ACAA1: variants seen among roughly 807,000 people sequenced by gnomAD.
ACAA1 encodes the protein acetyl-CoA acyltransferase 1, also known as 3-ketoacyl-CoA thiolase, peroxisomal.
ACAA1 carries 44 observed loss-of-function variants against 48.8 expected under a neutral mutation model. The ratio of observed to expected loss-of-function variants is 0.90; its 90% CI spans 0.71 to 1.16. The LOEUF is 1.16. ACAA1 is among the 50% of genes most tolerant of loss of function. ACAA1 has a pLI of 0.00. For missense variants in ACAA1, 512 were observed against 562.3 expected, an observed-to-expected ratio of 0.91 and a Z score of 0.90; for synonymous variants, 233 against 226.5, an observed-to-expected ratio of 1.03 and a Z score of -0.26.
chr3:38,133,503 T>C (rs1053518904), intron 3 of ACAA1: 1 of 161,546 alleles, frequency 6.2e-6, no homozygotes, highest in African/African-American at 2.4e-5. Context: ...TGCAGGCGCT[T>C]AAAGGAAAGT....
Position 38,126,515 on chromosome 3 carries a change from G to A in ACAA1, c.812C>T (p.Thr271Ile). The change falls in exon 8 of 12, where the codon ACA becomes ATA. Residue 271 changes from threonine to isoleucine, a missense_variant. Thr to Ile is a moderately conservative substitution (Grantham distance 89, BLOSUM62 -1). Transcript: ENST00000333167. This position sits in a 1 kb window ranked among gnomAD's most constrained non-coding sequence, Gnocchi z 4.7. ...CTACCCCGGACCAGTCTCACCAGCT[G>A]TGGTAGAACCATCTTTCTTGAAGGC... ...KPAFKKDGSTTAGNSSQVSDG... is the reference protein window; with the variant it reads ...KPAFKKDGSTIAGNSSQVSDG... 6.2e-7 allele frequency: 1 copy of A among 1,614,226 alleles called. No homozygotes were observed. The highest frequency in any genetic ancestry group is 8.5e-7 in the Non-Finnish European group (1 of 1,180,046).
chr3:38,137,060 G>C lies in ACAA1; in HGVS notation c.-25C>G. On this transcript the variant is annotated 5_prime_UTR_variant, in exon 1 of 12. Transcript: ENST00000333167. ...TTGCGCAGGTCAACCCTGCAGACCA[G>C]CCACCAGTCCGGGAACTGACCGCGG... The C allele has an allele frequency of 6.6e-7, 1 of 1,524,360 alleles. No individual in the cohort carries two copies. The allele number at this position is 1,524,360 out of a possible 1,614,324, so 94.4% of individuals were successfully genotyped here.
At position 38,136,725 on chromosome 3, in the gene ACAA1, C is replaced by T. The variant is rs1191887195; in HGVS notation, c.172-40G>A. ...GCAGCCGCAGTGACCCCCACTCCCCCATGCCCACCCCAGGGAGACAAAGCG... is the reference window on the plus strand; with the variant it reads ...GCAGCCGCAGTGACCCCCACTCCCCTATGCCCACCCCAGGGAGACAAAGCG... On this transcript the variant is annotated intron_variant, in intron 1 of 11. Coordinates refer to ENST00000333167, the MANE Select transcript of ACAA1 (RefSeq NM_001607.4). 2.6e-6 allele frequency: 4 copies of T among 1,558,008 alleles called. No homozygotes were observed. The African/African-American group carries it at 4.1e-5, about 16-fold the overall frequency.
chr3:38,127,755 C>G (rs746588302), intron 7 of ACAA1, 31 bp downstream of exon 7: 3 of 1,608,940 alleles, frequency 1.9e-6, no homozygotes, highest in South Asian at 2.2e-5. Flanking sequence ...CTCTCCAGCC[C>G]TTTAAACATT....
chr3:38,127,726 A>G, intron 7 of ACAA1, 60 bp downstream of exon 7: 1 of 1,557,270 alleles, frequency 6.4e-7, no homozygotes, highest in Non-Finnish European at 8.9e-7. Flanking sequence ...CAGACCACTT[A>G]GATAGACTCA....
intron 11 of ACAA1, 100 bp downstream of exon 11, chr3:38,125,465 G>A (rs144427235): frequency 7.7e-5 from 108 of 1,409,766 alleles, no homozygotes; most frequent in African/African-American, 2.0e-4. Context: ...TGTGTCTGTC[G>A]AGATTATGAT....
Position 38,137,085 on chromosome 3 carries a change from G to C in ACAA1, c.-50C>G, listed in dbSNP as rs375776313. Reference sequence around the variant, plus strand: ...GCCACCAGTCCGGGAACTGACCGCGGAGTTAACAGACAGCCGTCCGCACAC... The same window carrying C: ...GCCACCAGTCCGGGAACTGACCGCGCAGTTAACAGACAGCCGTCCGCACAC... On this transcript the variant is annotated 5_prime_UTR_variant, in exon 1 of 12. Coordinates refer to ENST00000333167, the MANE Select transcript of ACAA1 (RefSeq NM_001607.4). The C allele has an allele frequency of 6.9e-7, 1 of 1,442,734 alleles. No individual in the cohort carries two copies. 89.4% of individuals were successfully genotyped at this position (1,442,734 alleles called of 1,614,324 possible). A position where few individuals can be genotyped will look rare whatever the true frequency, so the allele number is the denominator to read the frequency against.
At chr3:38,136,465 G>T in intron 2 of ACAA1, 127 bp downstream of exon 2, 1 of 916,740 alleles carries the variant, frequency 1.1e-6, no homozygotes. Flanking sequence ...TGAAGGGGCA[G>T]GACCCCTTCA....
At chr3:38,133,868 C>A in intron 3 of ACAA1, 84 bp downstream of exon 3, 1 of 1,456,222 alleles carries the variant, frequency 6.9e-7, no homozygotes. Context: ...TTATCCTCCC[C>A]AACCTGCACA....
intron 2 of ACAA1, among the ~76,000 whole-genome samples, chr3:38,135,982 G>A (rs2125771966): frequency 6.6e-6 from 1 of 152,300 alleles, no homozygotes; most frequent in Non-Finnish European, 1.5e-5. Context: ...CTTGGGCAGA[G>A]GTCCCTGCGG....
rs116601824 is a variant in ACAA1 at position 38,130,475 on chromosome 3, T to C, written c.447-1087A>G. Among the ~76,000 whole-genome samples the C allele has an allele frequency of 4.9e-3, 751 of 152,338 alleles. 12 individuals are homozygous for C. Among genetic ancestry groups the C allele is most frequent in the African/African-American group, 0.017 (726 of 41,580 alleles). ...CTGGATCCACATTTAGGTAGTCTGG[T>C]CCCAGAGCCCACTTCCAACTAGAGT... On this transcript the variant is annotated intron_variant, in intron 5 of 11. Coordinates refer to ENST00000333167, the MANE Select transcript of ACAA1 (RefSeq NM_001607.4).
chr3:38,131,381 A>G (rs931715052), intron 5 of ACAA1, among the ~76,000 whole-genome samples: 5 of 152,180 alleles, frequency 3.3e-5, no homozygotes, highest in African/African-American at 1.2e-4. Context: ...TTAGAGGCCA[A>G]TTCCCCTCCC....
chr3:38,129,478 G>C lies in ACAA1; in HGVS notation c.447-90C>G. On this transcript the variant is annotated intron_variant, in intron 5 of 11. Coordinates refer to ENST00000333167, the MANE Select transcript of ACAA1 (RefSeq NM_001607.4). This position sits in a 1 kb window ranked among gnomAD's most constrained non-coding sequence, Gnocchi z 5.3. Reference sequence around the variant, plus strand: ...TAGCTGAACACTTGGCAAGTGCTAGGAAATAGCCAGGGAGCCCTAGGAAGA... The same window carrying C: ...TAGCTGAACACTTGGCAAGTGCTAGCAAATAGCCAGGGAGCCCTAGGAAGA... The C allele has an allele frequency of 9.4e-7, 1 of 1,066,052 alleles. No individual in the cohort carries two copies. The highest frequency in any genetic ancestry group is 1.4e-6 in the Non-Finnish European group (1 of 720,780). The allele number at this position is 1,066,052 out of a possible 1,614,324, so 66.0% of individuals were successfully genotyped here.
chr3:38,127,545 G>A, intron 7 of ACAA1: 2 of 557,490 alleles, frequency 3.6e-6, no homozygotes, highest in South Asian at 4.0e-5. Context: ...AACAGAGGGG[G>A]AAACTGAGGC....
chr3:38,136,518 G>A (rs372124585), intron 2 of ACAA1, 74 bp downstream of exon 2: 1 of 1,540,084 alleles, frequency 6.5e-7, no homozygotes. Flanking sequence ...AATTCGGGGC[G>A]GGGAGGTGAG....
At chr3:38,127,943 TG>T (rs1398940834) in intron 6 of ACAA1, 77 bp from the exon 7 acceptor site, 21 of 1,511,108 alleles carry the variant, frequency 1.4e-5, no homozygotes, top group Non-Finnish European at 1.9e-5. Context: ...GAGCTGTGCT[TG>T]GAACTTTGGG....
At chr3:38,131,457 A>G in intron 5 of ACAA1, 139 bp downstream of exon 5, 6 of 827,782 alleles carry the variant, frequency 7.2e-6, no homozygotes, top group Non-Finnish European at 1.2e-5. Context: ...CTTAACCTGC[A>G]TTTGTGAGAA....
At position 38,126,258 on chromosome 3, in the gene ACAA1, G is replaced by A. The variant is rs557033614; in HGVS notation, c.901C>T (p.Leu301Phe). Residue 301 changes from leucine to phenylalanine, a missense_variant, in exon 9 of 12, where the codon CTT becomes TTT. Leu to Phe is a conservative substitution (Grantham distance 22, BLOSUM62 0). Transcript: ENST00000333167. The surrounding 1 kb of genome is among the most constrained non-coding windows in gnomAD (Gnocchi z 4.7). ...SKAEELGLPI[L>F]GVLRSYAVVG... ...ACTGCATAAGACCTCAGGACCCCAA[G>A]GATGGGAAGGCCCAACTCTTCTGCC... The A allele has an allele frequency of 6.2e-7, 1 of 1,614,236 alleles. No homozygotes were observed. The highest frequency in any genetic ancestry group is 2.2e-5 in the East Asian group (1 of 44,888).
intron 4 of ACAA1, 108 bp downstream of exon 4, chr3:38,131,818 T>C: frequency 8.0e-7 from 1 of 1,256,764 alleles, no homozygotes; most frequent in South Asian, 1.2e-5. Context: ...ACTCTTTCTG[T>C]GGTTAGAGTC....
Sources: gnomAD v4.1 joint callset for allele counts (sites outside exome capture counted in the v4.1 genomes callset) on GRCh38, gnomAD v4.1.1 for gene constraint, Gnocchi (gnomAD v3.1) non-coding constraint, MANE v1.5 for transcripts, NCBI Gene and HGNC (gene_info 2026-07-23, HGNC 2026-07-21) for gene names.